The following PARD3 variants were observed in gnomAD, a reference collection of about 807,000 sequenced individuals.
PARD3 encodes the protein partitioning defective 3 homolog.
A neutral mutation model predicts 155.4 loss-of-function variants in PARD3; 75 were observed. That is an observed-to-expected ratio of 0.48 (90% CI 0.40 to 0.58). The LOEUF (loss-of-function observed/expected upper bound fraction) is 0.58. Ranked by LOEUF, PARD3 falls within the 20% of genes least tolerant of loss-of-function variation. PARD3 has a pLI of 0.00. For synonymous variants in PARD3, 576 were observed against 610.5 expected, an observed-to-expected ratio of 0.94 and a Z score of 0.83; for missense variants, 1,642 against 1,721.7, an observed-to-expected ratio of 0.95 and a Z score of 0.82.
chr10:34,155,558 A>AC (rs1358696710), intron 22 of PARD3, among the ~76,000 whole-genome samples: 1 of 152,122 alleles, frequency 6.6e-6, no homozygotes, highest in Non-Finnish European at 1.5e-5. Flanking sequence ...GGTACTGGGT[A>AC]CCTCTGAAGA....
At chr10:34,365,035 G>A (rs982806477) in intron 12 of PARD3, among the ~76,000 whole-genome samples, 1 of 152,190 alleles carries the variant, frequency 6.6e-6, no homozygotes, top group Non-Finnish European at 1.5e-5. Flanking sequence ...GTGGTGAAAT[G>A]CGCATGTTCT....
chr10:34,298,574 T>A (rs1349489695), intron 20 of PARD3, among the ~76,000 whole-genome samples: 1 of 152,106 alleles, frequency 6.6e-6, no homozygotes, highest in Non-Finnish European at 1.5e-5. Context: ...AAAGTGGTGG[T>A]TTCCAGGGAC....
intron 22 of PARD3, among the ~76,000 whole-genome samples, chr10:34,254,802 C>A (rs1363688634): frequency 6.6e-6 from 1 of 152,074 alleles, no homozygotes; most frequent in African/African-American, 2.4e-5. Flanking sequence ...ACCACAGGCA[C>A]CTACCACAAT....
chr10:34,521,450 GAA>G (rs1234352279), intron 2 of PARD3, among the ~76,000 whole-genome samples: 3 of 151,110 alleles, frequency 2.0e-5, no homozygotes, highest in Non-Finnish European at 4.4e-5. Flanking sequence ...AAAAGTAAAG[GAA>G]AAGTCTTTTA....
At chr10:34,490,809 G>C (rs2079850324) in intron 3 of PARD3, among the ~76,000 whole-genome samples, 1 of 152,132 alleles carries the variant, frequency 6.6e-6, no homozygotes, top group Non-Finnish European at 1.5e-5. Context: ...AGTTATATAT[G>C]TGGTTCTAAC....
At chr10:34,225,596 T>G (rs1474211642) in intron 22 of PARD3, among the ~76,000 whole-genome samples, 1 of 152,180 alleles carries the variant, frequency 6.6e-6, no homozygotes, top group Admixed American at 6.6e-5. Flanking sequence ...TCAACCCACC[T>G]TGGCCTCCTA....
chr10:34,133,154 G>C (rs923458554), intron 22 of PARD3, among the ~76,000 whole-genome samples: 3 of 152,138 alleles, frequency 2.0e-5, no homozygotes, highest in African/African-American at 7.2e-5. Context: ...GGTACCAAGG[G>C]GGGCACTGGG....
chr10:34,743,005 A>G (rs1283548302), intron 1 of PARD3, among the ~76,000 whole-genome samples: 2 of 152,200 alleles, frequency 1.3e-5, no homozygotes, highest in Non-Finnish European at 2.9e-5. Context: ...GTCCTTTTGT[A>G]AGAAAGGAAC....
chr10:34,306,747 G>A (rs528035566), intron 20 of PARD3, among the ~76,000 whole-genome samples: 11 of 152,292 alleles, frequency 7.2e-5, no homozygotes, highest in South Asian at 6.2e-4. Context: ...AGGTATGTAC[G>A]TATACAAAGG....
chr10:34,221,388 C>CTTTTT (rs3039277), intron 22 of PARD3, among the ~76,000 whole-genome samples: 2 of 119,788 alleles, frequency 1.7e-5, no homozygotes, highest in Non-Finnish European at 1.7e-5. Flanking sequence ...CAGGACTTGC[C>CTTTTT]TTTTTTTTTT....
intron 1 of PARD3, among the ~76,000 whole-genome samples, chr10:34,777,878 G>A (rs1266679180): frequency 6.6e-6 from 1 of 152,058 alleles, no homozygotes; most frequent in African/African-American, 2.4e-5. Flanking sequence ...ATGATGGTGA[G>A]TCTAGGAAAG....
At chr10:34,247,958 A>C (rs755337064) in intron 22 of PARD3, among the ~76,000 whole-genome samples, 7 of 152,218 alleles carry the variant, frequency 4.6e-5, no homozygotes, top group Non-Finnish European at 7.3e-5. Context: ...TTGTACTGAT[A>C]AGTAACTGAT....
chr10:34,736,412 T>G (rs2094915287), intron 1 of PARD3, among the ~76,000 whole-genome samples: 1 of 148,394 alleles, frequency 6.7e-6, no homozygotes, highest in Non-Finnish European at 1.5e-5. Context: ...CACTGCAGCC[T>G]CAAACTCCTG....
At chr10:34,684,022 C>G (rs1318634157) in intron 2 of PARD3, among the ~76,000 whole-genome samples, 7 of 152,210 alleles carry the variant, frequency 4.6e-5, no homozygotes, top group African/African-American at 1.7e-4. Context: ...ATAAAGTCAT[C>G]TAGTTAATGA....
chr10:34,455,897 G>C (rs2077312321), intron 4 of PARD3, among the ~76,000 whole-genome samples: 2 of 152,146 alleles, frequency 1.3e-5, no homozygotes, highest in Non-Finnish European at 2.9e-5. Flanking sequence ...CTGAGGCCAA[G>C]TAATCTGTTC....
chr10:34,516,111 A>G (rs538942166), intron 3 of PARD3, among the ~76,000 whole-genome samples: 2 of 151,876 alleles, frequency 1.3e-5, no homozygotes, highest in Admixed American at 6.6e-5. Flanking sequence ...ATTACAGGCA[A>G]CCGCCACCAC....
chr10:34,203,719 T>A (rs1246877648), intron 22 of PARD3, among the ~76,000 whole-genome samples: 3 of 152,212 alleles, frequency 2.0e-5, no homozygotes, highest in Non-Finnish European at 4.4e-5. Context: ...CTGTGGTTGG[T>A]CAAATCCATC....
chr10:34,576,193 A>T (rs1352956613), intron 2 of PARD3, among the ~76,000 whole-genome samples: 1 of 152,224 alleles, frequency 6.6e-6, no homozygotes, highest in Admixed American at 6.5e-5. Context: ...AACAAAAGAC[A>T]CTATGCTTAA....
intron 22 of PARD3, among the ~76,000 whole-genome samples, chr10:34,134,099 T>C (rs1319666270): frequency 6.6e-6 from 1 of 152,218 alleles, no homozygotes; most frequent in Admixed American, 6.5e-5. Flanking sequence ...ACAGGCAGGT[T>C]GTTATTCCTA....
Sources: gnomAD v4.1 joint callset for allele counts (sites outside exome capture counted in the v4.1 genomes callset) on GRCh38, gnomAD v4.1.1 for gene constraint, MANE v1.5 for transcripts, NCBI Gene and HGNC (gene_info 2026-07-23, HGNC 2026-07-21) for gene names.